Variants in ZDHHC20 observed in about 807,000 individuals in gnomAD.
ZDHHC20 encodes palmitoyltransferase ZDHHC20.
In ZDHHC20, 43 loss-of-function variants were observed where a neutral mutation model predicts 57.8. That is an observed-to-expected ratio of 0.74 (90% CI 0.58 to 0.96). ZDHHC20 has a LOEUF of 0.96. Among genes scored for constraint, ZDHHC20 ranks in the 40% least tolerant of loss-of-function variants. The probability of loss-of-function intolerance (pLI) is 0.00; values close to 1 mark genes in which losing one functional copy is unlikely to be tolerated. For synonymous variants in ZDHHC20, 157 were observed against 153.0 expected, an observed-to-expected ratio of 1.03 and a Z score of -0.19; for missense variants, 391 against 441.1, an observed-to-expected ratio of 0.89 and a Z score of 1.02.
At chr13:21,413,808 T>A (rs1174258770) in intron 3 of ZDHHC20, 36 bp from the exon 4 acceptor site, 4 of 1,558,306 alleles carry the variant, frequency 2.6e-6, no homozygotes, top group Non-Finnish European at 3.5e-6. Context: ...ATTTTTTTAA[T>A]CCCATGATGT....
At chr13:21,441,655 A>C (rs1883188986) in intron 1 of ZDHHC20, among the ~76,000 whole-genome samples, 2 of 142,680 alleles carry the variant, frequency 1.4e-5, no homozygotes, top group Admixed American at 1.5e-4. Context: ...CGCCCACCTC[A>C]GCCTCCCAAA....
At chr13:21,436,369 A>G (rs1882543010) in intron 1 of ZDHHC20, among the ~76,000 whole-genome samples, 1 of 152,212 alleles carries the variant, frequency 6.6e-6, no homozygotes, top group African/African-American at 2.4e-5. Context: ...GTTTTTTACA[A>G]ATCGAAGGTT....
chr13:21,422,880 C>CA (rs1880804435), intron 2 of ZDHHC20, among the ~76,000 whole-genome samples: 1 of 152,136 alleles, frequency 6.6e-6, no homozygotes, highest in African/African-American at 2.4e-5. Flanking sequence ...TGGGACTACT[C>CA]AGTCACCATA....
At position 21,374,445 on chromosome 13, in the gene ZDHHC20, G is replaced by A. The variant is rs921906954; in HGVS notation, c.*2251C>T. ...AGACAGGGTTTTGCCATTTTGACCAGGCTAATCTCGAACCCCTGACCTCAG... is the reference window on the plus strand; with the variant it reads ...AGACAGGGTTTTGCCATTTTGACCAAGCTAATCTCGAACCCCTGACCTCAG... On this transcript the variant is annotated 3_prime_UTR_variant, in exon 13 of 13. Transcript: ENST00000400590. 2 of 455,544 alleles carry A rather than the reference G, an allele frequency of 4.4e-6. No homozygotes were observed. Among genetic ancestry groups the A allele is most frequent in the South Asian group, 3.1e-5 (2 of 64,510 alleles). The allele number at this position is 455,544 out of a possible 1,614,324, so 28.2% of individuals were successfully genotyped here. A position where few individuals can be genotyped will look rare whatever the true frequency, so the allele number is the denominator to read the frequency against.
intron 11 of ZDHHC20, 129 bp from the exon 12 acceptor site, chr13:21,378,867 ACCATTT>A: frequency 2.2e-6 from 1 of 448,756 alleles, no homozygotes; most frequent in Non-Finnish European, 3.8e-6. Flanking sequence ...TATGGTGTCA[ACCATTT>A]GTCTTCTTAT....
intron 5 of ZDHHC20, 122 bp from the exon 6 acceptor site, chr13:21,401,807 C>G (rs1237209473): frequency 2.5e-6 from 2 of 813,790 alleles, no homozygotes; most frequent in Non-Finnish European, 3.7e-6. Context: ...AGAATCAACC[C>G]AGAAACTAGG....
intron 6 of ZDHHC20, 112 bp from the exon 7 acceptor site, chr13:21,400,605 T>A: frequency 1.9e-6 from 2 of 1,054,314 alleles, no homozygotes; most frequent in Non-Finnish European, 2.7e-6. Flanking sequence ...GAAGGGGAGC[T>A]TTTTAATGCG....
chr13:21,426,980 G>A (rs1881339616), intron 1 of ZDHHC20, among the ~76,000 whole-genome samples: 1 of 152,038 alleles, frequency 6.6e-6, no homozygotes, highest in Non-Finnish European at 1.5e-5. Flanking sequence ...TTTCCCAAAT[G>A]CATCAAGCTG....
At chr13:21,458,999 C>G in intron 1 of ZDHHC20, 55 bp downstream of exon 1, 1 of 1,440,838 alleles carries the variant, frequency 6.9e-7, no homozygotes. Context: ...AGAGGCCTAT[C>G]TCGCGCCCTA....
intron 1 of ZDHHC20, among the ~76,000 whole-genome samples, chr13:21,448,244 G>A (rs1158005380): frequency 2.9e-4 from 21 of 72,828 alleles, no homozygotes; most frequent in Middle Eastern, 9.8e-3. Flanking sequence ...GGTGAGGGGC[G>A]CCTCTGCCCG....
In ZDHHC20 at chr13:21,425,652, C is replaced by A; in HGVS notation, c.145G>T (p.Gly49Ter). 1 of 1,181,836 alleles carries A rather than the reference C, an allele frequency of 8.5e-7. No homozygotes were observed. The highest frequency in any genetic ancestry group is 1.1e-6 in the Non-Finnish European group (1 of 878,832). 73.2% of individuals were successfully genotyped at this position (1,181,836 alleles called of 1,614,324 possible). A position where few individuals can be genotyped will look rare whatever the true frequency, so the allele number is the denominator to read the frequency against. Residue 49 changes from glycine (G) to a stop codon, truncating the protein, a stop_gained and splice_region_variant, in exon 2 of 13, where the codon GGA becomes TGA. Transcript: ENST00000400590. LOFTEE classifies it high-confidence loss of function. ...TAAATTGAAACTAAAAGTGCCTTAC[C>A]ATTTTCTTCATTTCCAAAAATAGTA... ...VFTIFGNEEN[G>*]KTVVYLVAFH... is the part of the protein sequence containing the mutation.
At chr13:21,448,509 G>A (rs1884090622) in intron 1 of ZDHHC20, among the ~76,000 whole-genome samples, 1 of 100,564 alleles carries the variant, frequency 9.9e-6, no homozygotes, top group African/African-American at 3.2e-5. Flanking sequence ...CCGTCCGGGA[G>A]GTGAGGGGCA....
At chr13:21,435,415 T>G (rs1313684770) in intron 1 of ZDHHC20, among the ~76,000 whole-genome samples, 1 of 152,026 alleles carries the variant, frequency 6.6e-6, no homozygotes, top group East Asian at 1.9e-4. Flanking sequence ...AATGCTGAAA[T>G]ATATTGCCAG....
At chr13:21,379,494 C>G (rs944352413) in intron 11 of ZDHHC20, among the ~76,000 whole-genome samples, 18 of 152,092 alleles carry the variant, frequency 1.2e-4, no homozygotes, top group African/African-American at 3.9e-4. Flanking sequence ...ATGGCCCAGG[C>G]TGGTCTCAAA....
In ZDHHC20 at chr13:21,433,258, A is replaced by G. The variant is rs553246518; in HGVS notation, c.119-7580T>C. ...CTATAGGCCTCCTGAGTAGCTAGACAGCTTGCATGCCATTGTGTCTGGCCC... is the reference window on the plus strand; with the variant it reads ...CTATAGGCCTCCTGAGTAGCTAGACGGCTTGCATGCCATTGTGTCTGGCCC... On this transcript the variant is annotated intron_variant, in intron 1 of 12. Coordinates refer to ENST00000400590, the MANE Select transcript of ZDHHC20 (RefSeq NM_001330059.2). Among the ~76,000 whole-genome samples the G allele has an allele frequency of 9.2e-5, 14 of 152,166 alleles. No individual in the cohort carries two copies. In the South Asian group the frequency reaches 1.7e-3, roughly 18 times the overall value.
At chr13:21,411,798 A>T (rs1879253744) in intron 4 of ZDHHC20, among the ~76,000 whole-genome samples, 1 of 152,240 alleles carries the variant, frequency 6.6e-6, no homozygotes, top group Non-Finnish European at 1.5e-5. Context: ...TTTCATTAAC[A>T]AATATTTAGA....
At position 21,459,207 on chromosome 13, in the gene ZDHHC20, G is replaced by A. The variant is rs1169648106; in HGVS notation, c.-36C>T. The A allele has an allele frequency of 6.5e-7, 1 of 1,536,088 alleles. No homozygotes were observed. The highest frequency in any genetic ancestry group is 8.8e-7 in the Non-Finnish European group (1 of 1,134,930). Reference sequence around the variant, plus strand: ...CGGCTGCCGAGCCCCGCGTCCCACCGTTCTGGGGAGCGCGGGAGCCCCGGC... The same window carrying A: ...CGGCTGCCGAGCCCCGCGTCCCACCATTCTGGGGAGCGCGGGAGCCCCGGC... On this transcript the variant is annotated 5_prime_UTR_variant, in exon 1 of 13. It adds an upstream start codon to the 5' untranslated region. Coordinates refer to ENST00000400590, the MANE Select transcript of ZDHHC20 (RefSeq NM_001330059.2).
chr13:21,418,331 T>G (rs563916557), intron 3 of ZDHHC20, among the ~76,000 whole-genome samples: 69 of 152,150 alleles, frequency 4.5e-4, no homozygotes, highest in Non-Finnish European at 8.1e-4. Context: ...ATGTAAAGGC[T>G]TAAGCTCTGG....
At chr13:21,424,297 AAATC>A in intron 2 of ZDHHC20, among the ~76,000 whole-genome samples, 1 of 152,358 alleles carries the variant, frequency 6.6e-6, no homozygotes, top group East Asian at 1.9e-4. Context: ...TGAGAAAATT[AAATC>A]AAAGTTGAAA....
Sources: allele counts gnomAD v4.1 joint callset (sites outside exome capture counted in the v4.1 genomes callset), GRCh38; gene constraint gnomAD v4.1.1; transcripts MANE v1.5; gene names NCBI Gene and HGNC (gene_info 2026-07-23, HGNC 2026-07-21).